ARFGEF3: variants seen among roughly 807,000 people sequenced by gnomAD.
The protein encoded by ARFGEF3 is ARFGEF family member 3.
In ARFGEF3, 96 loss-of-function variants were observed where a neutral mutation model predicts 221.7. The ratio of observed to expected loss-of-function variants is 0.43; its 90% CI spans 0.37 to 0.51. ARFGEF3 has a LOEUF of 0.51. ARFGEF3 is among the 20% of genes least tolerant of loss of function. The pLI is 0.00. For missense variants in ARFGEF3, 2,410 were observed against 2,789.9 expected (o/e 0.86, Z 3.07); for synonymous variants, 1,145 against 1,126.8 (o/e 1.02, Z -0.32).
intron 2 of ARFGEF3, among the ~76,000 whole-genome samples, chr6:138,194,568 A>G (rs1350474789): frequency 6.6e-6 from 1 of 152,210 alleles, no homozygotes. Context: ...TCCACACTCT[A>G]AGGCTGAAAG....
chr6:138,196,509 T>C (rs1394403079), intron 2 of ARFGEF3, among the ~76,000 whole-genome samples: 3 of 152,220 alleles, frequency 2.0e-5, no homozygotes, highest in African/African-American at 7.2e-5. Flanking sequence ...AGGGCACTTA[T>C]GAATAGAGTT....
Position 138,303,694 on chromosome 6 carries a change from C to T in ARFGEF3, c.3829-3559C>T, listed in dbSNP as rs111471656. On this transcript the variant is annotated intron_variant, in intron 22 of 33. Coordinates refer to ENST00000251691, the MANE Select transcript of ARFGEF3 (RefSeq NM_020340.5). ...GGCGCACGCTGTAGTCCCAGCTACT[C>T]GGGAAGCTGAGGTAGGAGAATCACT... Among the ~76,000 whole-genome samples the T allele has an allele frequency of 5.4e-4, 82 of 151,436 alleles. 2 individuals carry two copies. The highest frequency in any genetic ancestry group is 1.8e-3 in the African/African-American group (73 of 41,276).
intron 12 of ARFGEF3, among the ~76,000 whole-genome samples, chr6:138,264,406 G>C (rs978803654): frequency 6.6e-6 from 1 of 152,150 alleles, no homozygotes; most frequent in African/African-American, 2.4e-5. Context: ...ATGTTGGTAT[G>C]GTACCAGGGA....
chr6:138,324,189 G>A, intron 31 of ARFGEF3, 35 bp downstream of exon 31: 2 of 1,593,600 alleles, frequency 1.3e-6, no homozygotes, highest in Non-Finnish European at 1.7e-6. Context: ...AGGAGCTCTA[G>A]AAACTCGAAG....
chr6:138,291,360 A>G lies in ARFGEF3; in HGVS notation c.3048-373A>G, dbSNP rs76204894. Among the ~76,000 whole-genome samples the G allele has an allele frequency of 0.018, 2,736 of 152,218 alleles. 39 individuals are homozygous for G. The highest frequency in any genetic ancestry group is 0.039 in the African/African-American group (1,634 of 41,552). ...CTTCCCAACTCCTAATCAGAGCACTATATGGAGGGAAAGAGGGTGCCTGGG... is the reference window on the plus strand; with the variant it reads ...CTTCCCAACTCCTAATCAGAGCACTGTATGGAGGGAAAGAGGGTGCCTGGG... On this transcript the variant is annotated intron_variant, in intron 18 of 33. Transcript: ENST00000251691. This position sits in a 1 kb window ranked among gnomAD's most constrained non-coding sequence, Gnocchi z 4.5.
chr6:138,241,489 GAAACCTCCTGAAATGTA>G (rs1778392536), intron 6 of ARFGEF3, among the ~76,000 whole-genome samples: 1 of 152,108 alleles, frequency 6.6e-6, no homozygotes, highest in Non-Finnish European at 1.5e-5. Flanking sequence ...AGGAAATGTA[GAAACCTCCTGAAATGTA>G]AAACCTCCTG....
chr6:138,259,336 C>T (rs1778744877), intron 10 of ARFGEF3, among the ~76,000 whole-genome samples: 1 of 152,226 alleles, frequency 6.6e-6, no homozygotes, highest in Admixed American at 6.5e-5. Context: ...TGATCAAGGA[C>T]ATACAGGACA....
At chr6:138,233,720 T>A (rs939817519) in intron 5 of ARFGEF3, among the ~76,000 whole-genome samples, 6 of 152,184 alleles carry the variant, frequency 3.9e-5, no homozygotes, top group African/African-American at 1.4e-4. Flanking sequence ...TTCTGAGACA[T>A]ACCTGAAATA....
Position 138,162,239 on chromosome 6 carries a change from C to G in ARFGEF3, c.85+68C>G. On this transcript the variant is annotated intron_variant, in intron 1 of 33. Transcript: ENST00000251691. This position sits in a 1 kb window ranked among gnomAD's most constrained non-coding sequence, Gnocchi z 4.7. ...GGCCGGGGCTGAACCCGCGCCTCCG[C>G]GCGTGGGGCTTTCGCGGAGCGTCGG... 1 of 1,186,506 alleles carries G rather than the reference C, an allele frequency of 8.4e-7. No individual in the cohort carries two copies. The highest frequency in any genetic ancestry group is 1.2e-6 in the Non-Finnish European group (1 of 843,544). The allele number at this position is 1,186,506 out of a possible 1,614,324, so 73.5% of individuals were successfully genotyped here. A position where few individuals can be genotyped will look rare whatever the true frequency, so the allele number is the denominator to read the frequency against.
chr6:138,217,874 A>G (rs1046555810), intron 4 of ARFGEF3: 1 of 1,368,284 alleles, frequency 7.3e-7, no homozygotes, highest in Non-Finnish European at 9.8e-7. Context: ...TCATAAGTAA[A>G]TTGAAGTTGG....
chr6:138,344,632 A>C lies in ARFGEF3; in HGVS notation c.*8146A>C, dbSNP rs1780483537. The C allele has an allele frequency of 6.6e-6, 1 of 152,186 alleles. No homozygotes were observed. The highest frequency in any genetic ancestry group is 1.5e-5 in the Non-Finnish European group (1 of 68,018). The allele number at this position is 152,186 out of a possible 1,614,324, so 9.4% of individuals were successfully genotyped here. ...GCATTAAAAATCTGGTACATGAAAC[A>C]ATTGTGTTTACTGAATAAATATATA... On this transcript the variant is annotated 3_prime_UTR_variant, in exon 34 of 34. Transcript: ENST00000251691.
chr6:138,181,910 T>G (rs1356566610), intron 2 of ARFGEF3, among the ~76,000 whole-genome samples: 2 of 152,244 alleles, frequency 1.3e-5, no homozygotes, highest in Non-Finnish European at 2.9e-5. Flanking sequence ...ATTTTAAAAA[T>G]GGATCCCAAA....
At chr6:138,201,834 A>T (rs907002023) in intron 2 of ARFGEF3, among the ~76,000 whole-genome samples, 4 of 152,150 alleles carry the variant, frequency 2.6e-5, no homozygotes, top group African/African-American at 9.7e-5. Context: ...ATTTTTTTTT[A>T]AAAAGTTCAC....
At chr6:138,213,402 G>A (rs1164868873) in intron 4 of ARFGEF3, among the ~76,000 whole-genome samples, 1 of 151,576 alleles carries the variant, frequency 6.6e-6, no homozygotes, top group African/African-American at 2.4e-5. Context: ...ATGTTGCCGT[G>A]AGCCGAGATC....
rs1198377762 is a variant in ARFGEF3, at chr6:138,286,743, A to T, written c.2612A>T (p.Asn871Ile). ...TATATTCTGGTGGGCTGCTGGAAGA[A>T]CTTGATCGATACTTTATCAACCCCA... ...ARYILVGCWKNLIDTLSTPLT... is the reference protein window; with the variant it reads ...ARYILVGCWKILIDTLSTPLT... The change falls in exon 16 of 34, where the codon AAC becomes ATC. Residue 871 changes from asparagine (N) to isoleucine (I), a missense_variant. Physicochemically the swap from Asn to Ile is moderately radical, Grantham distance 149 (BLOSUM62 -3). Transcript: ENST00000251691. 6.2e-7 allele frequency: 1 copy of T among 1,614,012 alleles called. No homozygotes were observed. The highest frequency in any genetic ancestry group is 1.7e-5 in the Admixed American group (1 of 60,024).
At position 138,213,429 on chromosome 6, in the gene ARFGEF3, G is replaced by A. The variant is rs191678035; in HGVS notation, c.351+3388G>A. 2.8e-3 allele frequency among the ~76,000 whole-genome samples: 418 copies of A among 151,806 alleles called. 4 individuals carry two copies. Among genetic ancestry groups the A allele is most frequent in the Non-Finnish European group, 4.4e-3 (299 of 67,956 alleles). On this transcript the variant is annotated intron_variant, in intron 4 of 33. Coordinates refer to ENST00000251691, the MANE Select transcript of ARFGEF3 (RefSeq NM_020340.5). ...GCCGAGATCGTACCACTGCTCTGTA[G>A]CCAGCAGAGTAAGACCCTGTCTCAA...
chr6:138,161,975 G>C lies in ARFGEF3; in HGVS notation c.-112G>C. 1 of 420,698 alleles carries C rather than the reference G, an allele frequency of 2.4e-6. No individual in the cohort carries two copies. The highest frequency in any genetic ancestry group is 3.7e-6 in the Non-Finnish European group (1 of 268,760). The allele number at this position is 420,698 out of a possible 1,614,324, so 26.1% of individuals were successfully genotyped here. A position where few individuals can be genotyped will look rare whatever the true frequency, so the allele number is the denominator to read the frequency against. Reference sequence around the variant, plus strand: ...GCATCCGCGCCGGGGCGGCATGGGGGCGCGCGCGGCGGCCGCCTAGGCGCC... The same window carrying C: ...GCATCCGCGCCGGGGCGGCATGGGGCCGCGCGCGGCGGCCGCCTAGGCGCC... On this transcript the variant is annotated 5_prime_UTR_variant, in exon 1 of 34. Coordinates refer to ENST00000251691, the MANE Select transcript of ARFGEF3 (RefSeq NM_020340.5).
chr6:138,224,747 T>C (rs1317445437), intron 4 of ARFGEF3, among the ~76,000 whole-genome samples: 2 of 152,216 alleles, frequency 1.3e-5, no homozygotes, highest in African/African-American at 4.8e-5. Flanking sequence ...GGTGTGTGTG[T>C]GTGCGTGTAT....
rs1195484698 is a variant in ARFGEF3, at chr6:138,342,459, T to C, written c.*5973T>C. On this transcript the variant is annotated 3_prime_UTR_variant, in exon 34 of 34. Coordinates refer to ENST00000251691, the MANE Select transcript of ARFGEF3 (RefSeq NM_020340.5). ...TCAATCTTCCCAGTTTCCAGTTTTA[T>C]TATACCAACAATTGGTTTTTACAAG... is the stretch of plus-strand genomic sequence containing the variant. The C allele has an allele frequency of 6.6e-6, 1 of 152,234 alleles. No individual in the cohort carries two copies. Among genetic ancestry groups the C allele is most frequent in the African/African-American group, 2.4e-5 (1 of 41,470 alleles). The allele number at this position is 152,234 out of a possible 1,614,324, so 9.4% of individuals were successfully genotyped here.
Sources: gnomAD v4.1 joint callset for allele counts (sites outside exome capture counted in the v4.1 genomes callset) on GRCh38, gnomAD v4.1.1 for gene constraint, Gnocchi (gnomAD v3.1) non-coding constraint, MANE v1.5 for transcripts, NCBI Gene and HGNC (gene_info 2026-07-23, HGNC 2026-07-21) for gene names.